Variants in DNAH5 observed in about 807,000 individuals in gnomAD.
DNAH5 encodes dynein axonemal heavy chain 5, also known as axonemal beta dynein heavy chain 5.
A neutral mutation model predicts 518.2 loss-of-function variants in DNAH5; 372 were observed. The observed-to-expected ratio is 0.72, with a 90% CI of 0.66 to 0.78. The LOEUF is 0.78. DNAH5 is among the 30% of genes least tolerant of loss of function. The pLI is 0.00. For missense variants in DNAH5, 5,523 were observed against 5,687.0 expected, an observed-to-expected ratio of 0.97 and a Z score of 0.93; for synonymous variants, 2,039 against 2,025.9, an observed-to-expected ratio of 1.01 and a Z score of -0.17.
Position 13,913,828 on chromosome 5 carries a change from A to G in DNAH5, c.1451T>C (p.Ile484Thr). ...CGTCTTGAGGGTTGTAAAGATGTCT[A>G]TTATCTTGGCAAGGCGTCGGTGAAA... Reference protein sequence around the residue: ...ETFHRRLAKIIDIFTTLKTYS... With the variant: ...ETFHRRLAKITDIFTTLKTYS... Residue 484 changes from isoleucine to threonine, a missense_variant, in exon 11 of 79, where the codon ATA (isoleucine) becomes ACA (threonine). Physicochemically the swap from Ile to Thr is moderately conservative, Grantham distance 89 (BLOSUM62 -1). Transcript: ENST00000265104. 1.9e-6 allele frequency: 3 copies of G among 1,613,678 alleles called. No homozygotes were observed. The highest frequency in any genetic ancestry group is 2.5e-6 in the Non-Finnish European group (3 of 1,179,640).
chr5:13,927,787 C>T (rs186377066), intron 3 of DNAH5, among the ~76,000 whole-genome samples: 5 of 152,242 alleles, frequency 3.3e-5, no homozygotes, highest in East Asian at 1.9e-4. Flanking sequence ...GGAAGTCAAA[C>T]GTAATCTACT....
At chr5:13,800,982 T>C (rs1466002529) in intron 47 of DNAH5, among the ~76,000 whole-genome samples, 2 of 152,246 alleles carry the variant, frequency 1.3e-5, no homozygotes, top group Admixed American at 6.5e-5. Flanking sequence ...TGTCTGGTAC[T>C]ATGTGTTTGT....
chr5:13,964,690 AG>A (rs1466910750), intron 1 of DNAH5, among the ~76,000 whole-genome samples: 1 of 152,222 alleles, frequency 6.6e-6, no homozygotes, highest in African/African-American at 2.4e-5. Flanking sequence ...ATAGGGTTGG[AG>A]ATGAGACAGA....
chr5:13,737,558 G>C, intron 65 of DNAH5, 63 bp from the exon 66 acceptor site: 2 of 1,543,814 alleles, frequency 1.3e-6, no homozygotes, highest in Non-Finnish European at 1.8e-6. Context: ...TATTCCTTAA[G>C]ACGTTAACCT....
intron 51 of DNAH5, among the ~76,000 whole-genome samples, chr5:13,787,472 C>T (rs1260704729): frequency 6.6e-6 from 1 of 152,042 alleles, no homozygotes. Flanking sequence ...TGAAGATTGA[C>T]CTATCTGCAA....
At chr5:13,934,449 A>G (rs1238453553) in intron 1 of DNAH5, among the ~76,000 whole-genome samples, 2 of 152,218 alleles carry the variant, frequency 1.3e-5, no homozygotes, top group Admixed American at 6.5e-5. Flanking sequence ...AATAAATAAT[A>G]GAGTAATTTT....
chr5:13,796,535 G>T lies in DNAH5; in HGVS notation c.7888-2477C>A, dbSNP rs185917516. On this transcript the variant is annotated intron_variant, in intron 47 of 78. Coordinates refer to ENST00000265104, the MANE Select transcript of DNAH5 (RefSeq NM_001369.3). The stretch of plus-strand genomic sequence containing the variant: ...TTCAAGGAGAACTACAAACCACTGC[G>T]CCACGAAATAAAAGAGGACACGAAA... Among the ~76,000 whole-genome samples the T allele has an allele frequency of 3.2e-3, 486 of 151,916 alleles. 3 individuals are homozygous for T. The highest frequency in any genetic ancestry group is 5.8e-3 in the Non-Finnish European group (393 of 67,924).
intron 17 of DNAH5, 92 bp from the exon 18 acceptor site, chr5:13,886,221 G>A: frequency 1.5e-6 from 2 of 1,321,854 alleles, no homozygotes; most frequent in Non-Finnish European, 2.1e-6. Flanking sequence ...CAATGCTGTG[G>A]CTCAGCCTCC....
intron 61 of DNAH5, among the ~76,000 whole-genome samples, chr5:13,756,554 G>A (rs777375217): frequency 1.3e-5 from 2 of 152,174 alleles, no homozygotes; most frequent in African/African-American, 2.4e-5. Flanking sequence ...GTTCAGTAGA[G>A]CTTCCTGATA....
At chr5:13,976,682 T>TGG (rs1214695768) in intron 1 of DNAH5, among the ~76,000 whole-genome samples, 2 of 89,886 alleles carry the variant, frequency 2.2e-5, no homozygotes, top group Admixed American at 1.1e-4. Flanking sequence ...AAACAATGTG[T>TGG]GTGTGTGTAT....
intron 65 of DNAH5, among the ~76,000 whole-genome samples, chr5:13,746,857 T>C (rs1749411416): frequency 6.6e-6 from 1 of 152,052 alleles, no homozygotes; most frequent in South Asian, 2.1e-4. Context: ...CTTGAGAAAG[T>C]TTAAAACTAT....
At chr5:13,834,724 G>C (rs1018076229) in intron 35 of DNAH5, among the ~76,000 whole-genome samples, 8 of 152,224 alleles carry the variant, frequency 5.3e-5, no homozygotes, top group East Asian at 1.9e-4. Flanking sequence ...ATGAGGGCAA[G>C]GGCCCTGTGG....
chr5:13,935,559 C>T (rs1778847683), intron 1 of DNAH5, among the ~76,000 whole-genome samples: 1 of 152,114 alleles, frequency 6.6e-6, no homozygotes, highest in African/African-American at 2.4e-5. Context: ...GAAGTCAATC[C>T]TAGTGTCATA....
chr5:13,794,263 T>A (rs1757486445), intron 47 of DNAH5, among the ~76,000 whole-genome samples: 1 of 152,252 alleles, frequency 6.6e-6, no homozygotes. Flanking sequence ...CCAGTTTAAT[T>A]TAGAAGGAAA....
intron 11 of DNAH5, among the ~76,000 whole-genome samples, 196 bp from the exon 12 acceptor site, chr5:13,911,689 G>A (rs1259029509): frequency 2.6e-5 from 4 of 151,998 alleles, no homozygotes; most frequent in Admixed American, 2.6e-4. Flanking sequence ...TGCATTCAAA[G>A]AAATCACTTG....
chr5:13,893,263 G>C (rs924585147), intron 16 of DNAH5, among the ~76,000 whole-genome samples: 2 of 152,122 alleles, frequency 1.3e-5, no homozygotes, highest in Non-Finnish European at 2.9e-5. Context: ...GAGAGAGAGA[G>C]AGAATAAAAG....
chr5:13,901,337 G>C lies in DNAH5; in HGVS notation c.1967C>G (p.Ala656Gly). Residue 656 changes from alanine to glycine, a missense_variant, in exon 14 of 79, where the codon GCC (alanine) becomes GGC (glycine). Ala to Gly is a moderately conservative substitution (Grantham distance 60, BLOSUM62 0). Transcript: ENST00000265104. The part of the protein sequence containing the change: ...QHPAVLSTAE[A>G]KPIIRSYNRM... Reference sequence around the variant, plus strand: ...GTTGTAACTGCGAATTATAGGTTTGGCTTCTGCCGTGCTTAGCACAGCTGG... The same window carrying C: ...GTTGTAACTGCGAATTATAGGTTTGCCTTCTGCCGTGCTTAGCACAGCTGG... 6.2e-7 allele frequency: 1 copy of C among 1,614,168 alleles called. No individual in the cohort carries two copies. The highest frequency in any genetic ancestry group is 1.1e-5 in the South Asian group (1 of 91,088).
intron 47 of DNAH5, among the ~76,000 whole-genome samples, chr5:13,799,010 C>T (rs1025048409): frequency 6.6e-6 from 1 of 152,092 alleles, no homozygotes; most frequent in Non-Finnish European, 1.5e-5. Flanking sequence ...AGGTGATCCA[C>T]CTGCCTCAGC....
Position 13,716,645 on chromosome 5 carries a change from A to G in DNAH5, c.12751T>C (p.Tyr4251His). The G allele has an allele frequency of 1.2e-6, 2 of 1,613,934 alleles. No homozygotes were observed. The highest frequency in any genetic ancestry group is 1.3e-5 in the African/African-American group (1 of 75,042). Residue 4251 changes from tyrosine to histidine, a missense_variant, in exon 74 of 79, where the codon TAT becomes CAT. Tyr to His is a moderately conservative substitution (Grantham distance 83). Transcript: ENST00000265104. ...TAGTCGTCAGTGACTCTGCCTCCAT[A>G]TTGAATCTCTCCTATCATGTAGCGG... ...TIRYMIGEIQ[Y>H]GGRVTDDYDK...
Sources: gnomAD v4.1 joint callset for allele counts (sites outside exome capture counted in the v4.1 genomes callset) on GRCh38, gnomAD v4.1.1 for gene constraint, MANE v1.5 for transcripts, NCBI Gene and HGNC (gene_info 2026-07-23, HGNC 2026-07-21) for gene names.